Variants in KCNN2 observed in about 807,000 individuals in gnomAD.
KCNN2 encodes potassium calcium-activated channel subfamily N member 2, also known as small conductance calcium-activated potassium channel protein 2.
In KCNN2, 24 loss-of-function variants were observed where a neutral mutation model predicts 55.5. The ratio of observed to expected loss-of-function variants is 0.43; its 90% CI spans 0.31 to 0.61. The LOEUF (loss-of-function observed/expected upper bound fraction) is 0.61. Among genes scored for constraint, KCNN2 ranks in the 20% least tolerant of loss-of-function variants. KCNN2 has a pLI of 0.08. For synonymous variants in KCNN2, 431 were observed against 336.1 expected, an observed-to-expected ratio of 1.28 and a Z score of -3.09; for missense variants, 754 against 853.6, an observed-to-expected ratio of 0.88 and a Z score of 1.45.
At chr5:114,373,868 A>G (rs1215688615) in intron 2 of KCNN2, among the ~76,000 whole-genome samples, 1 of 149,864 alleles carries the variant, frequency 6.7e-6, no homozygotes. Flanking sequence ...AGCAGTCTTT[A>G]TTAGTTTATT....
intron 2 of KCNN2, among the ~76,000 whole-genome samples, chr5:114,221,623 T>C (rs1233291033): frequency 2.0e-5 from 3 of 152,224 alleles, no homozygotes; most frequent in Non-Finnish European, 4.4e-5. Flanking sequence ...TAAGTGATTT[T>C]ATTGAAAACA....
At chr5:114,106,249 G>C (rs1198466576) in intron 1 of KCNN2, among the ~76,000 whole-genome samples, 1 of 151,232 alleles carries the variant, frequency 6.6e-6, no homozygotes, top group Non-Finnish European at 1.5e-5. Flanking sequence ...TCATTCTATA[G>C]TTTGTGAATG....
intron 2 of KCNN2, among the ~76,000 whole-genome samples, chr5:114,259,404 G>A (rs2150003609): frequency 6.6e-6 from 1 of 152,288 alleles, no homozygotes; most frequent in Non-Finnish European, 1.5e-5. Context: ...CAGGACAGAG[G>A]ACTTTGATGG....
intron 3 of KCNN2, among the ~76,000 whole-genome samples, chr5:114,409,552 T>C (rs1759058584): frequency 6.6e-6 from 1 of 152,172 alleles, no homozygotes; most frequent in Non-Finnish European, 1.5e-5. Context: ...ATCCTCTCCA[T>C]GTAAAAAGGG....
chr5:114,401,712 T>C (rs1020918451), intron 2 of KCNN2, among the ~76,000 whole-genome samples: 1 of 152,232 alleles, frequency 6.6e-6, no homozygotes, highest in African/African-American at 2.4e-5. Context: ...GAATACAAAT[T>C]TGCTAGATGG....
chr5:114,177,573 G>A (rs1379620352), intron 1 of KCNN2, among the ~76,000 whole-genome samples: 3 of 151,546 alleles, frequency 2.0e-5, no homozygotes, highest in Middle Eastern at 3.2e-3. Context: ...GTGACCTAAG[G>A]TAAAATTTGC....
Position 114,085,698 on chromosome 5 carries a change from A to G in KCNN2, c.-271+29198A>G, listed in dbSNP as rs949613093. On this transcript the variant is annotated intron_variant, in intron 1 of 10. Coordinates refer to the KCNN2 transcript ENST00000512097. ...TTGGTAAATGTTTCGAGTGCACTTG[A>G]AAATAATTTTGAGTTATTATTTTGT... Among the ~76,000 whole-genome samples, 20 of 152,196 alleles carry G rather than the reference A, an allele frequency of 1.3e-4. No individual in the cohort carries two copies. The East Asian group carries it at 3.7e-3, about 28-fold the overall frequency.
chr5:114,281,045 C>A (rs1444331469), intron 2 of KCNN2, among the ~76,000 whole-genome samples: 1 of 152,186 alleles, frequency 6.6e-6, no homozygotes. Flanking sequence ...TTCCTTATTT[C>A]ATTCAGGTCA....
intron 1 of KCNN2, among the ~76,000 whole-genome samples, chr5:114,130,430 G>A (rs551438251): frequency 6.6e-6 from 1 of 152,132 alleles, no homozygotes; most frequent in Non-Finnish European, 1.5e-5. Context: ...TATGGGCTTT[G>A]GATCTTTCCG....
chr5:114,381,409 A>G (rs1279991539), intron 2 of KCNN2, among the ~76,000 whole-genome samples: 1 of 152,242 alleles, frequency 6.6e-6, no homozygotes, highest in African/African-American at 2.4e-5. Flanking sequence ...AAAGAAATAC[A>G]AAAACAAATG....
chr5:114,287,115 TACCAAGG>T (rs1313935318), intron 2 of KCNN2, among the ~76,000 whole-genome samples: 3 of 152,182 alleles, frequency 2.0e-5, no homozygotes. Flanking sequence ...CCCTGGAGAA[TACCAAGG>T]ACCAAAAGAG....
At chr5:114,423,127 C>T (rs1184918126) in intron 3 of KCNN2, among the ~76,000 whole-genome samples, 1 of 152,212 alleles carries the variant, frequency 6.6e-6, no homozygotes. Context: ...CACTGATTCA[C>T]AGCTTGACTC....
At chr5:114,181,732 G>C (rs1753244573) in intron 1 of KCNN2, among the ~76,000 whole-genome samples, 2 of 151,952 alleles carry the variant, frequency 1.3e-5, no homozygotes, top group East Asian at 1.9e-4. Flanking sequence ...ATTAATTTTT[G>C]TGGGCAGGGT....
chr5:114,446,950 A>T (rs191451078), intron 3 of KCNN2, among the ~76,000 whole-genome samples: 145 of 152,304 alleles, frequency 9.5e-4, no homozygotes, highest in Admixed American at 1.9e-3. Context: ...ACATAAACTT[A>T]AAAATCTAGT....
At chr5:114,423,224 T>C (rs1759522024) in intron 3 of KCNN2, among the ~76,000 whole-genome samples, 1 of 152,112 alleles carries the variant, frequency 6.6e-6, no homozygotes, top group South Asian at 2.1e-4. Context: ...CAGAAAATAG[T>C]TGTTGGATAA....
intron 2 of KCNN2, among the ~76,000 whole-genome samples, chr5:114,301,954 C>A (rs1461830054): frequency 6.6e-6 from 1 of 152,190 alleles, no homozygotes; most frequent in Non-Finnish European, 1.5e-5. Context: ...GAATTACTAT[C>A]CTTATTTTAG....
intron 3 of KCNN2, among the ~76,000 whole-genome samples, chr5:114,446,168 G>A (rs1162563343): frequency 2.6e-5 from 4 of 152,038 alleles, no homozygotes; most frequent in Admixed American, 1.3e-4. Context: ...TAAAGTATTC[G>A]ACTTATTTTC....
At chr5:114,367,671 C>T (rs912700442) in intron 2 of KCNN2, among the ~76,000 whole-genome samples, 5 of 151,672 alleles carry the variant, frequency 3.3e-5, no homozygotes, top group African/African-American at 1.2e-4. Flanking sequence ...TTTTACCCCA[C>T]CCCACAGTGG....
At chr5:114,262,369 T>G (rs1755125556) in intron 2 of KCNN2, among the ~76,000 whole-genome samples, 1 of 152,242 alleles carries the variant, frequency 6.6e-6, no homozygotes, top group African/African-American at 2.4e-5. Flanking sequence ...AATTAATGTT[T>G]TGGTTCATTA....
Sources: allele counts gnomAD v4.1 joint callset (sites outside exome capture counted in the v4.1 genomes callset), GRCh38; gene constraint gnomAD v4.1.1; transcripts MANE v1.5; gene names NCBI Gene and HGNC (gene_info 2026-07-23, HGNC 2026-07-21).